NRG3: variants seen among roughly 807,000 people sequenced by gnomAD.
NRG3 encodes neuregulin 3.
NRG3 carries 31 observed loss-of-function variants against 66.9 expected under a neutral mutation model. The ratio of observed to expected loss-of-function variants is 0.46; its 90% CI spans 0.35 to 0.63. NRG3 has a LOEUF of 0.63. Among genes scored for constraint, NRG3 ranks in the 20% least tolerant of loss-of-function variants. NRG3 has a pLI of 0.00. For synonymous variants in NRG3, 393 were observed against 359.4 expected (o/e 1.09, Z -1.06); for missense variants, 910 against 878.9 (o/e 1.04, Z -0.45).
At chr10:82,245,761 A>G (rs17099657) in intron 1 of NRG3, among the ~76,000 whole-genome samples, 19,216 of 152,186 alleles carry the variant, frequency 0.13, 2,040 homozygotes, top group East Asian at 0.32. Context: ...TTAACCACAC[A>G]GGAATTCTCA....
chr10:82,658,718 G>A (rs1478267989), intron 2 of NRG3, among the ~76,000 whole-genome samples: 1 of 152,074 alleles, frequency 6.6e-6, no homozygotes, highest in African/African-American at 2.4e-5. Context: ...GAAACTTTTT[G>A]GGTGAGGCAT....
intron 1 of NRG3, among the ~76,000 whole-genome samples, chr10:81,929,058 C>T (rs1369055878): frequency 6.6e-6 from 1 of 152,020 alleles, no homozygotes; most frequent in Non-Finnish European, 1.5e-5. Flanking sequence ...AACTTCTGGG[C>T]ACGCGCAGTT....
chr10:82,616,118 C>A (rs2096176469), intron 2 of NRG3, among the ~76,000 whole-genome samples: 1 of 152,142 alleles, frequency 6.6e-6, no homozygotes, highest in Non-Finnish European at 1.5e-5. Flanking sequence ...CAATGTCCTT[C>A]AACATCTTTT....
At chr10:82,231,820 A>G (rs1253564336) in intron 1 of NRG3, among the ~76,000 whole-genome samples, 1 of 152,216 alleles carries the variant, frequency 6.6e-6, no homozygotes, top group African/African-American at 2.4e-5. Context: ...GTTTTTCTCC[A>G]TTAAAGATAT....
intron 2 of NRG3, among the ~76,000 whole-genome samples, chr10:82,363,900 A>C (rs2084350577): frequency 2.0e-5 from 3 of 152,192 alleles, no homozygotes; most frequent in Admixed American, 2.0e-4. Flanking sequence ...GAATTTTCAC[A>C]GTGTTTTGAG....
rs373655253 is a variant in NRG3, at chr10:82,405,545, C to G, written c.953+46677C>G. 5.2e-3 allele frequency among the ~76,000 whole-genome samples: 791 copies of G among 151,192 alleles called. 6 individuals carry two copies. Among genetic ancestry groups the G allele is most frequent in the African/African-American group, 0.019 (769 of 41,004 alleles). On this transcript the variant is annotated intron_variant, in intron 2 of 8. Coordinates refer to ENST00000372141, the MANE Select transcript of NRG3 (RefSeq NM_001010848.4). ...GATCTTGGCTCACTGCAACCTCCCC[C>G]TCCTGGGTTCAAGTGATTCTCATGC...
chr10:81,879,362 A>G (rs1841979225), intron 1 of NRG3, among the ~76,000 whole-genome samples: 1 of 152,228 alleles, frequency 6.6e-6, no homozygotes, highest in Admixed American at 6.5e-5. Context: ...ATTTTGACCA[A>G]TGTACAATCA....
chr10:82,149,577 A>C (rs2070538146), intron 1 of NRG3, among the ~76,000 whole-genome samples: 1 of 152,196 alleles, frequency 6.6e-6, no homozygotes, highest in South Asian at 2.1e-4. Context: ...TTTGAAACCT[A>C]ACCAGACTTT....
At chr10:82,956,645 A>G (rs1003378191) in intron 5 of NRG3, among the ~76,000 whole-genome samples, 3 of 152,006 alleles carry the variant, frequency 2.0e-5, no homozygotes, top group African/African-American at 7.3e-5. Flanking sequence ...TGCAAACATC[A>G]TTAAGTGTTT....
At chr10:82,104,554 G>A (rs1441222452) in intron 1 of NRG3, among the ~76,000 whole-genome samples, 1 of 152,164 alleles carries the variant, frequency 6.6e-6, no homozygotes, top group African/African-American at 2.4e-5. Flanking sequence ...AAAGCAATAT[G>A]AGGAACTCTG....
chr10:82,263,915 T>C (rs1201793499), intron 1 of NRG3, among the ~76,000 whole-genome samples: 1 of 152,248 alleles, frequency 6.6e-6, no homozygotes, highest in African/African-American at 2.4e-5. Context: ...TAGGATATAC[T>C]GATGGTTTGC....
intron 1 of NRG3, among the ~76,000 whole-genome samples, chr10:82,050,562 C>A (rs1322056268): frequency 6.6e-6 from 1 of 152,008 alleles, no homozygotes; most frequent in Non-Finnish European, 1.5e-5. Context: ...GGTCTTGCTA[C>A]CTGCTCTCAG....
intron 3 of NRG3, among the ~76,000 whole-genome samples, chr10:82,806,560 A>G (rs896301533): frequency 6.6e-6 from 1 of 152,228 alleles, no homozygotes; most frequent in Non-Finnish European, 1.5e-5. Flanking sequence ...CCTGATGATT[A>G]GTTGAGACTT....
At chr10:82,573,312 G>T (rs746241263) in intron 2 of NRG3, among the ~76,000 whole-genome samples, 105 of 151,874 alleles carry the variant, frequency 6.9e-4, no homozygotes, top group Non-Finnish European at 1.0e-3. Flanking sequence ...TCAATTTTGA[G>T]ATTCTGTTGG....
chr10:82,276,377 T>G (rs564355289), intron 1 of NRG3, among the ~76,000 whole-genome samples: 2 of 152,000 alleles, frequency 1.3e-5, no homozygotes, highest in Admixed American at 1.3e-4. Flanking sequence ...ATTAGAAATA[T>G]AGTTCATGAA....
intron 2 of NRG3, among the ~76,000 whole-genome samples, chr10:82,495,587 T>A (rs1843551927): frequency 6.6e-6 from 1 of 152,142 alleles, no homozygotes; most frequent in African/African-American, 2.4e-5. Context: ...TGGGCACGCC[T>A]AGCAGACAAC....
At chr10:82,650,686 A>G (rs1376727597) in intron 2 of NRG3, among the ~76,000 whole-genome samples, 1 of 152,264 alleles carries the variant, frequency 6.6e-6, no homozygotes, top group Non-Finnish European at 1.5e-5. Context: ...CATTTTCCAG[A>G]CACAGAAAAA....
intron 2 of NRG3, among the ~76,000 whole-genome samples, chr10:82,642,143 C>G (rs1015939127): frequency 2.6e-5 from 4 of 152,172 alleles, no homozygotes; most frequent in Admixed American, 2.6e-4. Flanking sequence ...TAATGGCCTA[C>G]AGTTCCATCC....
intron 2 of NRG3, among the ~76,000 whole-genome samples, chr10:82,370,725 C>A (rs554991950): frequency 1.3e-5 from 2 of 152,062 alleles, no homozygotes; most frequent in African/African-American, 2.4e-5. Flanking sequence ...TCTTTTATTT[C>A]GTTACCTATG....
Sources: gnomAD v4.1 joint callset for allele counts (sites outside exome capture counted in the v4.1 genomes callset) on GRCh38, gnomAD v4.1.1 for gene constraint, MANE v1.5 for transcripts, NCBI Gene and HGNC (gene_info 2026-07-23, HGNC 2026-07-21) for gene names.